Variants in ARMH4 observed in about 807,000 individuals in gnomAD.
ARMH4 encodes the protein armadillo like helical domain containing 4, also known as armadillo-like helical domain-containing protein 4.
ARMH4 carries 49 observed loss-of-function variants against 61.9 expected under a neutral mutation model. That is an observed-to-expected ratio of 0.79 (90% CI 0.63 to 1.00). The LOEUF is 1.00. Among genes scored for constraint, ARMH4 ranks in the 50% least tolerant of loss-of-function variants. ARMH4 has a pLI of 0.00. For synonymous variants in ARMH4, 368 were observed against 341.5 expected, an observed-to-expected ratio of 1.08 and a Z score of -0.85; for missense variants, 934 against 930.0, an observed-to-expected ratio of 1.00 and a Z score of -0.06.
intron 6 of ARMH4, 25 bp downstream of exon 6, chr14:58,012,094 C>G: frequency 6.8e-7 from 1 of 1,461,488 alleles, no homozygotes; most frequent in Non-Finnish European, 9.4e-7. Flanking sequence ...AAAAATAAAC[C>G]AATGGAAGAA....
At chr14:58,132,711 G>A (rs1391671194) in intron 3 of ARMH4, among the ~76,000 whole-genome samples, 1 of 146,682 alleles carries the variant, frequency 6.8e-6, no homozygotes. Flanking sequence ...TCAGCCTCCC[G>A]AGTAGCTCGG....
At chr14:58,097,113 G>C in intron 4 of ARMH4, 132 bp from the exon 5 acceptor site, 1 of 976,812 alleles carries the variant, frequency 1.0e-6, no homozygotes, top group Non-Finnish European at 1.6e-6. Context: ...TATAGCCAAA[G>C]TCAGACAATG....
intron 5 of ARMH4, among the ~76,000 whole-genome samples, chr14:58,043,563 C>G (rs927964459): frequency 2.6e-5 from 4 of 152,180 alleles, no homozygotes; most frequent in African/African-American, 9.7e-5. Context: ...GATGTCCTCT[C>G]TCACCACTCC....
At chr14:58,151,863 G>A (rs1440863646) in intron 1 of ARMH4, among the ~76,000 whole-genome samples, 1 of 152,220 alleles carries the variant, frequency 6.6e-6, no homozygotes, top group Non-Finnish European at 1.5e-5. Context: ...CGCCCAGCGC[G>A]CCCAGAGCTG....
intron 4 of ARMH4, among the ~76,000 whole-genome samples, chr14:58,131,034 T>C (rs1887074999): frequency 6.6e-6 from 1 of 152,212 alleles, no homozygotes. Flanking sequence ...GTATTTCTAA[T>C]GGTCAACTAT....
intron 5 of ARMH4, among the ~76,000 whole-genome samples, chr14:58,046,864 C>T (rs1438998717): frequency 2.0e-5 from 3 of 152,200 alleles, no homozygotes; most frequent in Admixed American, 6.5e-5. Context: ...TAAATGTAAC[C>T]GTAAGCCTAC....
intron 4 of ARMH4, among the ~76,000 whole-genome samples, chr14:58,129,743 T>C (rs139134881): frequency 2.6e-3 from 395 of 152,338 alleles, no homozygotes; most frequent in Middle Eastern, 6.8e-3. Flanking sequence ...ATTATTAACG[T>C]ATACTAATTA....
chr14:58,020,641 G>C (rs1228786571), intron 5 of ARMH4, among the ~76,000 whole-genome samples: 1 of 152,116 alleles, frequency 6.6e-6, no homozygotes, highest in Non-Finnish European at 1.5e-5. Context: ...TTCTCATTCA[G>C]AGAAAATAAA....
At chr14:58,029,145 T>A (rs1205424714) in intron 5 of ARMH4, among the ~76,000 whole-genome samples, 2 of 151,996 alleles carry the variant, frequency 1.3e-5, no homozygotes, top group Non-Finnish European at 2.9e-5. Flanking sequence ...TCACTTTCTG[T>A]CTCTATGGAC....
intron 1 of ARMH4, chr14:58,141,579 T>TGA: frequency 2.0e-6 from 1 of 495,292 alleles, no homozygotes; most frequent in Non-Finnish European, 4.0e-6. Flanking sequence ...GCAAGTGCTA[T>TGA]GCTTGCCTGC....
chr14:58,069,782 T>C (rs536738089), intron 5 of ARMH4, among the ~76,000 whole-genome samples: 1 of 152,342 alleles, frequency 6.6e-6, no homozygotes, highest in Admixed American at 6.5e-5. Flanking sequence ...TTCATTTAAA[T>C]GGGACCATGC....
At chr14:58,057,956 G>A (rs970392397) in intron 5 of ARMH4, among the ~76,000 whole-genome samples, 1 of 152,172 alleles carries the variant, frequency 6.6e-6, no homozygotes, top group African/African-American at 2.4e-5. Flanking sequence ...GTTCAAACAA[G>A]CAGTATAAAA....
chr14:58,058,566 T>C (rs1042968405), intron 5 of ARMH4, among the ~76,000 whole-genome samples: 4 of 152,190 alleles, frequency 2.6e-5, no homozygotes, highest in Admixed American at 1.3e-4. Context: ...ACGGGGTAAC[T>C]TCCTGATGTT....
chr14:58,033,210 C>A (rs950345552), intron 5 of ARMH4, among the ~76,000 whole-genome samples: 1 of 116,002 alleles, frequency 8.6e-6, no homozygotes, highest in Non-Finnish European at 1.9e-5. Context: ...GATCTGAGAA[C>A]GGGCAGACTG....
chr14:58,141,676 T>C, intron 1 of ARMH4: 1 of 349,638 alleles, frequency 2.9e-6, no homozygotes, highest in Non-Finnish European at 5.4e-6. Flanking sequence ...AGGCTCTTCC[T>C]TCCTTGAAGG....
rs1882089425 is a variant in ARMH4, at chr14:58,004,575, C to T, written c.*161G>A. On this transcript the variant is annotated 3_prime_UTR_variant, in exon 8 of 8. Transcript: ENST00000267485. ...ACGTTTAGTATACAACATGCCATTTCTGCTCAGTACAAGAAAAATCTACTA... is the reference window on the plus strand; with the variant it reads ...ACGTTTAGTATACAACATGCCATTTTTGCTCAGTACAAGAAAAATCTACTA... 1 of 610,416 alleles carries T rather than the reference C, an allele frequency of 1.6e-6. No individual in the cohort carries two copies. Among genetic ancestry groups the T allele is most frequent in the African/African-American group, 1.8e-5 (1 of 54,624 alleles). 37.8% of individuals were successfully genotyped at this position (610,416 alleles called of 1,614,324 possible).
rs1427337972 is a variant in ARMH4, at chr14:58,004,618, A to G, written c.*118T>C. ...ATCTACTACCCAGCACCCAGCAGAC[A>G]CTAGGACTAACGGCCTGATAGCAGC... On this transcript the variant is annotated 3_prime_UTR_variant, in exon 8 of 8. Transcript: ENST00000267485. 2 of 829,766 alleles carry G rather than the reference A, an allele frequency of 2.4e-6. No homozygotes were observed. Among genetic ancestry groups the G allele is most frequent in the Non-Finnish European group, 4.0e-6 (2 of 502,780 alleles). 51.4% of individuals were successfully genotyped at this position (829,766 alleles called of 1,614,324 possible).
At chr14:58,011,963 G>C (rs946955913) in intron 6 of ARMH4, among the ~76,000 whole-genome samples, 156 bp downstream of exon 6, 2 of 152,258 alleles carry the variant, frequency 1.3e-5, no homozygotes, top group East Asian at 3.9e-4. Context: ...AAAGGGAAGG[G>C]CTTCTTTTTT....
intron 5 of ARMH4, among the ~76,000 whole-genome samples, chr14:58,063,474 T>C (rs949479742): frequency 3.3e-5 from 5 of 152,122 alleles, no homozygotes; most frequent in African/African-American, 1.2e-4. Flanking sequence ...AAGATAAAGA[T>C]GGGAAAGAAG....
Sources: gnomAD v4.1 joint callset for allele counts (sites outside exome capture counted in the v4.1 genomes callset) on GRCh38, gnomAD v4.1.1 for gene constraint, MANE v1.5 for transcripts, NCBI Gene and HGNC (gene_info 2026-07-23, HGNC 2026-07-21) for gene names.